The following BCORL1 variants were observed in gnomAD, a reference collection of about 807,000 sequenced individuals.
The protein encoded by BCORL1 is BCL6 corepressor like 1.
Under a neutral mutation model 87.6 loss-of-function variants are expected in BCORL1, and 7 were observed. The observed-to-expected ratio is 0.08, with a 90% CI of 0.05 to 0.15. The LOEUF is 0.15. Among genes scored for constraint, BCORL1 ranks in the 10% least tolerant of loss-of-function variants. BCORL1 has a pLI of 1.00. For missense variants in BCORL1, 1,215 were observed against 1,499.7 expected (o/e 0.81, Z 3.13); for synonymous variants, 591 against 634.4 (o/e 0.93, Z 1.03).
intron 11 of BCORL1, among the ~76,000 whole-genome samples, chrX:130,042,593 G>T (rs1931399200): frequency 8.9e-6 from 1 of 112,445 alleles, no homozygotes; most frequent in African/African-American, 3.2e-5. Flanking sequence ...AGGCCCAAAG[G>T]CTGTTTGTAG....
At chrX:130,028,163 G>A (rs1261194288) in intron 7 of BCORL1, among the ~76,000 whole-genome samples, 1 of 111,626 alleles carries the variant, frequency 9.0e-6, no homozygotes, top group African/African-American at 3.3e-5. Context: ...AGTCAGGTGA[G>A]TAGAGCTGAG....
At chrX:130,034,339 A>G (rs1930804893) in intron 8 of BCORL1, 116 bp from the exon 9 acceptor site, 3 of 514,424 alleles carry the variant, frequency 5.8e-6, no homozygotes, top group Non-Finnish European at 8.7e-6. Context: ...TAAGCAAAGT[A>G]CAGCATGGAC....
chrX:130,030,526 T>C (rs911418362), intron 8 of BCORL1, among the ~76,000 whole-genome samples: 2 of 111,023 alleles, frequency 1.8e-5, no homozygotes, highest in Non-Finnish European at 3.8e-5. Flanking sequence ...GAAAAAGGCC[T>C]GTCTGCCTCT....
intron 1 of BCORL1, among the ~76,000 whole-genome samples, chrX:129,999,965 T>C (rs1927915103): frequency 9.0e-6 from 1 of 111,085 alleles, no homozygotes; most frequent in African/African-American, 3.3e-5. Context: ...TGAGCCACCA[T>C]GCCTGGCCGA....
intron 1 of BCORL1, among the ~76,000 whole-genome samples, chrX:129,984,301 G>T (rs1327825141): frequency 9.5e-6 from 1 of 105,126 alleles, no homozygotes; most frequent in East Asian, 3.1e-4. Context: ...GGGCGCAGGC[G>T]GCGCGCGGTG....
intron 9 of BCORL1, 147 bp from the exon 10 acceptor site, chrX:130,037,220 T>G: frequency 1.7e-6 from 1 of 587,080 alleles, no homozygotes; most frequent in Non-Finnish European, 2.8e-6. Context: ...GGACTGATGT[T>G]GTTAATGAAA....
rs151023097 is a variant in BCORL1 at position 130,014,871 on chromosome X, G to A, written c.2099G>A (p.Ser700Asn). ...FPEIVRNGDPSTWVKNSTALI... is the reference protein window; with the variant it reads ...FPEIVRNGDPNTWVKNSTALI... ...GAGATCGTGAGGAATGGGGACCCGA[G>A]CACCTGGGTGAAGAACTCAACTGCA... Residue 700 changes from serine (S) to asparagine (N), a missense_variant, in exon 4 of 14, where the codon AGC becomes AAC. Physicochemically the swap from Ser to Asn is conservative, Grantham distance 46. Around this residue, in one of 5 missense-constraint regions of BCORL1, gnomAD observed 861 missense variants for 1,010.0 expected, o/e 0.85. Coordinates refer to ENST00000540052, the MANE Select transcript of BCORL1 (RefSeq NM_001379451.1). 7 of 1,209,457 alleles carry A rather than the reference G, an allele frequency of 5.8e-6. No individual in the cohort carries two copies. The highest frequency in any genetic ancestry group is 5.3e-5 in the African/African-American group (3 of 56,940).
chrX:129,999,297 CTTTTTTTTTTTT>C (rs1213156086), intron 1 of BCORL1, among the ~76,000 whole-genome samples: 1 of 39,107 alleles, frequency 2.6e-5, no homozygotes, highest in Non-Finnish European at 4.5e-5. Context: ...TGAAACACAT[CTTTTTTTTTTTT>C]TTTTTTTTTT....
At chrX:129,996,717 C>T (rs773989840) in intron 1 of BCORL1, among the ~76,000 whole-genome samples, 3 of 111,496 alleles carry the variant, frequency 2.7e-5, no homozygotes, top group East Asian at 2.8e-4. Flanking sequence ...ATCCTGGGCT[C>T]GAAGGATCCC....
intron 1 of BCORL1, among the ~76,000 whole-genome samples, chrX:129,984,694 T>A (rs1201366755): frequency 9.0e-6 from 1 of 110,620 alleles, no homozygotes; most frequent in Non-Finnish European, 1.9e-5. Flanking sequence ...CGGGAGATTG[T>A]TGTAGGGAAA....
At chrX:130,053,785 A>C (rs181359079) in intron 13 of BCORL1, among the ~76,000 whole-genome samples, 2 of 112,358 alleles carry the variant, frequency 1.8e-5, no homozygotes, top group East Asian at 5.6e-4. Context: ...TATGGGGTGC[A>C]GAAGGGCCTT....
At chrX:129,984,780 C>T (rs889322317) in intron 1 of BCORL1, among the ~76,000 whole-genome samples, 1 of 111,813 alleles carries the variant, frequency 8.9e-6, no homozygotes, top group Non-Finnish European at 1.9e-5. Flanking sequence ...GTGGGGGTGC[C>T]CTTCTATTCC....
At chrX:130,018,116 C>T in intron 4 of BCORL1, among the ~76,000 whole-genome samples, 1 of 112,091 alleles carries the variant, frequency 8.9e-6, no homozygotes, top group South Asian at 3.7e-4. Context: ...GAATTTTGGC[C>T]CCACCTCTTC....
intron 1 of BCORL1, among the ~76,000 whole-genome samples, chrX:129,991,748 C>T (rs1184074991): frequency 6.2e-5 from 6 of 96,384 alleles, no homozygotes; most frequent in African/African-American, 2.4e-4. Flanking sequence ...ACCTCCATCT[C>T]CCGGGTTCAA....
intron 3 of BCORL1, 116 bp downstream of exon 3, chrX:130,012,784 A>G (rs1360809458): frequency 1.2e-5 from 12 of 991,204 alleles, no homozygotes; most frequent in Non-Finnish European, 1.5e-5. Context: ...GGTCTCTCCC[A>G]GGAGTTGGTA....
chrX:130,035,644 A>G (rs1257638525), intron 9 of BCORL1, among the ~76,000 whole-genome samples: 1 of 112,246 alleles, frequency 8.9e-6, no homozygotes, highest in Admixed American at 9.4e-5. Flanking sequence ...CCCATCTTTC[A>G]TGAGCACCTA....
intron 11 of BCORL1, among the ~76,000 whole-genome samples, chrX:130,043,780 A>ATT (rs1225149554): frequency 1.8e-4 from 4 of 21,741 alleles, no homozygotes; most frequent in Non-Finnish European, 2.0e-4. Context: ...ATATATATAT[A>ATT]TATATTTTTT....
intron 1 of BCORL1, among the ~76,000 whole-genome samples, chrX:129,991,538 C>T (rs748695098): frequency 9.3e-6 from 1 of 108,080 alleles, no homozygotes; most frequent in East Asian, 2.9e-4. Context: ...GGCAGGGTCT[C>T]CCTGTGTTGC....
At chrX:129,997,594 C>T (rs1427285765) in intron 1 of BCORL1, among the ~76,000 whole-genome samples, 1 of 108,947 alleles carries the variant, frequency 9.2e-6, no homozygotes, top group African/African-American at 3.3e-5. Flanking sequence ...GAGTTCGAGA[C>T]GAGCCTGGCC....
Sources: gnomAD v4.1 joint callset for allele counts (sites outside exome capture counted in the v4.1 genomes callset) on GRCh38, gnomAD v4.1.1 for gene constraint, gnomAD v4.1.1 regional missense constraint, MANE v1.5 for transcripts, NCBI Gene and HGNC (gene_info 2026-07-23, HGNC 2026-07-21) for gene names.